The following NNT variants were observed in gnomAD, a reference collection of about 807,000 sequenced individuals.
NNT encodes the protein nicotinamide nucleotide transhydrogenase, also known as NAD(P) transhydrogenase, mitochondrial.
In NNT, 50 loss-of-function variants were observed where a neutral mutation model predicts 104.8. The ratio of observed to expected loss-of-function variants is 0.48; its 90% CI spans 0.38 to 0.60. NNT has a LOEUF of 0.60. NNT is among the 20% of genes least tolerant of loss of function. NNT has a pLI of 0.00. For missense variants in NNT, 1,131 were observed against 1,330.7 expected, an observed-to-expected ratio of 0.85 and a Z score of 2.33; for synonymous variants, 461 against 490.4, an observed-to-expected ratio of 0.94 and a Z score of 0.79.
At chr5:43,665,222 A>T (rs1440385595) in intron 17 of NNT, among the ~76,000 whole-genome samples, 2 of 144,202 alleles carry the variant, frequency 1.4e-5, no homozygotes, top group South Asian at 2.2e-4. Flanking sequence ...TTATTTATTT[A>T]TTATTATTAT....
At chr5:43,653,776 GA>G (rs2111916792) in intron 14 of NNT, among the ~76,000 whole-genome samples, 1 of 151,920 alleles carries the variant, frequency 6.6e-6, no homozygotes, top group East Asian at 1.9e-4. Context: ...CCAACATGGT[GA>G]AACCCCGTCG....
chr5:43,683,467 C>G (rs1297520107), intron 19 of NNT, among the ~76,000 whole-genome samples: 2 of 152,314 alleles, frequency 1.3e-5, no homozygotes, highest in South Asian at 4.1e-4. Flanking sequence ...CTTATAAACT[C>G]TTGTCACAGG....
chr5:43,704,373 A>G lies in NNT; in HGVS notation c.3230A>G (p.Gln1077Arg), dbSNP rs776054116. ...GCCAAGAAAACATGTGACGCGCTCC[A>G]GGCGAAAGTTAGAGAATCCTATCAG... ...GDAKKTCDAL[Q>R]AKVRESYQK is the part of the protein sequence containing the mutation. The change falls in exon 22 of 22, where the codon CAG (glutamine) becomes CGG (arginine). Residue 1077 changes from glutamine to arginine, a missense_variant. Transcript: ENST00000344920. The G allele has an allele frequency of 4.3e-6, 7 of 1,613,774 alleles. No homozygotes were observed. The highest frequency in any genetic ancestry group is 5.9e-6 in the Non-Finnish European group (7 of 1,179,740).
At chr5:43,685,848 G>T (rs1741959708) in intron 19 of NNT, among the ~76,000 whole-genome samples, 1 of 152,110 alleles carries the variant, frequency 6.6e-6, no homozygotes, top group South Asian at 2.1e-4. Flanking sequence ...TTCTGTTGTT[G>T]TGTCCCCTTT....
chr5:43,704,170 G>C lies in NNT; in HGVS notation c.3112-85G>C, dbSNP rs1742997199. 4 of 1,222,016 alleles carry C rather than the reference G, an allele frequency of 3.3e-6. No individual in the cohort carries two copies. In the South Asian group the frequency reaches 6.6e-5, roughly 20 times the overall value. The allele number at this position is 1,222,016 out of a possible 1,614,324, so 75.7% of individuals were successfully genotyped here. On this transcript the variant is annotated intron_variant, in intron 21 of 21. Transcript: ENST00000344920. Reference sequence around the variant, plus strand: ...AGTAGTGGTACATGCCTTGTTCAAAGGTAGTGAAGAGCAATGTTTGTTTGC... The same window carrying C: ...AGTAGTGGTACATGCCTTGTTCAAACGTAGTGAAGAGCAATGTTTGTTTGC...
At position 43,644,819 on chromosome 5, in the gene NNT, A is replaced by C. The variant is rs754933614; in HGVS notation, c.1290+17A>C. The C allele has an allele frequency of 5.1e-5, 79 of 1,557,596 alleles. No homozygotes were observed. Among genetic ancestry groups the C allele is most frequent in the Admixed American group, 4.7e-4 (25 of 53,316 alleles). ...GTGATGAAAGTAAGTAAAGAGATCT[A>C]TTCCTTCCTTTGCTTTTAATGTAAA... On this transcript the variant is annotated intron_variant, in intron 9 of 21. Coordinates refer to ENST00000344920, the MANE Select transcript of NNT (RefSeq NM_182977.3).
chr5:43,675,385 T>C (rs1353082162), intron 17 of NNT, 126 bp from the exon 18 acceptor site: 1 of 771,374 alleles, frequency 1.3e-6, no homozygotes, highest in Non-Finnish European at 1.9e-6. Flanking sequence ...ATTTATCTGA[T>C]TAAAGTGTTT....
At chr5:43,618,971 G>A in intron 4 of NNT, 61 bp from the exon 5 acceptor site, 1 of 972,388 alleles carries the variant, frequency 1.0e-6, no homozygotes, top group Non-Finnish European at 1.4e-6. Flanking sequence ...ATGATGATAT[G>A]TGAGTCTGAG....
At chr5:43,625,357 C>G (rs538285078) in intron 6 of NNT, among the ~76,000 whole-genome samples, 2 of 152,152 alleles carry the variant, frequency 1.3e-5, no homozygotes, top group African/African-American at 4.8e-5. Context: ...TAGAAAAATA[C>G]AAAAACTCAA....
intron 18 of NNT, 82 bp from the exon 19 acceptor site, chr5:43,677,643 G>A: frequency 1.6e-6 from 2 of 1,245,102 alleles, no homozygotes; most frequent in Non-Finnish European, 2.3e-6. Context: ...ATAAACATGT[G>A]TTTTCATCAA....
At chr5:43,632,278 G>T (rs942601919) in intron 7 of NNT, among the ~76,000 whole-genome samples, 9 of 152,170 alleles carry the variant, frequency 5.9e-5, no homozygotes, top group Admixed American at 4.6e-4. Context: ...ATTCAAAGGG[G>T]ATTAAGTCAA....
chr5:43,656,167 G>T (rs1021311798), intron 15 of NNT, 94 bp downstream of exon 15: 13 of 1,094,410 alleles, frequency 1.2e-5, no homozygotes, highest in Non-Finnish European at 1.6e-5. Flanking sequence ...ACAGGGCTGG[G>T]CGCAATGGCT....
intron 12 of NNT, among the ~76,000 whole-genome samples, chr5:43,650,980 G>A (rs1346527549): frequency 6.6e-6 from 1 of 152,204 alleles, no homozygotes; most frequent in African/African-American, 2.4e-5. Flanking sequence ...CATCACTCAT[G>A]TGTGAGACTC....
At chr5:43,674,373 TGTGTG>T (rs1741295359) in intron 17 of NNT, among the ~76,000 whole-genome samples, 2 of 152,128 alleles carry the variant, frequency 1.3e-5, no homozygotes, top group Non-Finnish European at 2.9e-5. Flanking sequence ...GAGCCATCAT[TGTGTG>T]GGGTGGCCAT....
At chr5:43,659,813 C>A (rs1223397330) in intron 17 of NNT, among the ~76,000 whole-genome samples, 3 of 152,014 alleles carry the variant, frequency 2.0e-5, no homozygotes. Context: ...TCCAAGACTG[C>A]CTTTAAGGTA....
At chr5:43,667,670 G>T (rs370032215) in intron 17 of NNT, among the ~76,000 whole-genome samples, 21 of 152,014 alleles carry the variant, frequency 1.4e-4, no homozygotes, top group African/African-American at 3.6e-4. Flanking sequence ...TCTATCATTG[G>T]TGGACATTTG....
At chr5:43,694,006 C>G (rs888782965) in intron 19 of NNT, among the ~76,000 whole-genome samples, 22 of 152,158 alleles carry the variant, frequency 1.4e-4, no homozygotes, top group African/African-American at 5.3e-4. Context: ...GTGTCCCATT[C>G]CTGACATAAA....
intron 18 of NNT, among the ~76,000 whole-genome samples, chr5:43,676,625 C>T (rs955742357): frequency 6.6e-6 from 1 of 152,122 alleles, no homozygotes; most frequent in Admixed American, 6.6e-5. Flanking sequence ...AATCATCACA[C>T]CCAAAGTAGC....
intron 10 of NNT, among the ~76,000 whole-genome samples, chr5:43,646,010 G>T (rs984320495): frequency 1.3e-5 from 2 of 151,902 alleles, no homozygotes; most frequent in African/African-American, 4.8e-5. Flanking sequence ...ACTGCACCCG[G>T]CCTGCAAGTA....
Sources: gnomAD v4.1 joint callset for allele counts (sites outside exome capture counted in the v4.1 genomes callset) on GRCh38, gnomAD v4.1.1 for gene constraint, MANE v1.5 for transcripts, NCBI Gene and HGNC (gene_info 2026-07-23, HGNC 2026-07-21) for gene names.